MECOM: variants seen among roughly 807,000 people sequenced by gnomAD.
MECOM encodes MDS1 and EVI1 complex locus.
Under a neutral mutation model 116.3 loss-of-function variants are expected in MECOM, and 13 were observed. The observed-to-expected ratio is 0.11, with a 90% CI of 0.07 to 0.18. The LOEUF (loss-of-function observed/expected upper bound fraction) is 0.18, where lower values mean the gene tolerates loss of function less well. MECOM is among the 10% of genes least tolerant of loss of function. The pLI is 1.00. For synonymous variants in MECOM, 528 were observed against 535.2 expected, an observed-to-expected ratio of 0.99 and a Z score of 0.19; for missense variants, 1,299 against 1,509.0, an observed-to-expected ratio of 0.86 and a Z score of 2.31.
At position 169,131,420 on chromosome 3, in the gene MECOM, G is replaced by T. The variant is rs1266000886; in HGVS notation, c.613+9C>A. The T allele has an allele frequency of 1.2e-6, 2 of 1,609,086 alleles. No individual in the cohort carries two copies. Among genetic ancestry groups the T allele is most frequent in the South Asian group, 1.1e-5 (1 of 90,966 alleles). On this transcript the variant is annotated intron_variant, in intron 4 of 16. Coordinates refer to ENST00000651503, the MANE Select transcript of MECOM (RefSeq NM_004991.4). Reference sequence around the variant, plus strand: ...AGGTGATAAGGAGGGTGGCGTGAGTGGTACTAACCGTGGATATCCGGCGCC... The same window carrying T: ...AGGTGATAAGGAGGGTGGCGTGAGTTGTACTAACCGTGGATATCCGGCGCC...
chr3:169,247,999 T>G (rs1307184790), intron 2 of MECOM, among the ~76,000 whole-genome samples: 2 of 152,176 alleles, frequency 1.3e-5, no homozygotes, highest in African/African-American at 4.8e-5. Flanking sequence ...ATCTCTAAAA[T>G]GAGAATTATC....
chr3:169,258,832 A>C lies in MECOM; in HGVS notation c.376-115000T>G, dbSNP rs530810072. On this transcript the variant is annotated intron_variant, in intron 2 of 16. Transcript: ENST00000651503. ...TCACTTGGAGGTATTTAAGGTTAAT[A>C]ATATCGACTATTATCTGTGTTCAGT... 9.8e-5 allele frequency among the ~76,000 whole-genome samples: 15 copies of C among 152,338 alleles called. No homozygotes were observed. In the South Asian group the frequency reaches 3.1e-3, roughly 32 times the overall value.
intron 2 of MECOM, among the ~76,000 whole-genome samples, chr3:169,254,442 G>A (rs147430073): frequency 6.6e-6 from 1 of 152,218 alleles, no homozygotes; most frequent in African/African-American, 2.4e-5. Context: ...AAATGCTAGT[G>A]AGCACCTACT....
At chr3:169,131,713 G>A in intron 3 of MECOM, 182 bp from the exon 4 acceptor site, 1 of 633,602 alleles carries the variant, frequency 1.6e-6, no homozygotes, top group Non-Finnish European at 2.6e-6. Context: ...GCCCTCTGGT[G>A]ACAAATGGAA....
intron 2 of MECOM, among the ~76,000 whole-genome samples, chr3:169,195,669 T>C (rs1403751529): frequency 6.6e-6 from 1 of 152,006 alleles, no homozygotes; most frequent in Non-Finnish European, 1.5e-5. Context: ...TGCCTTTACT[T>C]TTCTCTGATA....
chr3:169,312,459 C>A (rs1031316666), intron 2 of MECOM, among the ~76,000 whole-genome samples: 1 of 150,446 alleles, frequency 6.6e-6, no homozygotes, highest in Non-Finnish European at 1.5e-5. Context: ...AGCTCCGCCT[C>A]CAGGGTTCAC....
At chr3:169,524,231 C>T (rs755385319) in intron 1 of MECOM, among the ~76,000 whole-genome samples, 2 of 151,932 alleles carry the variant, frequency 1.3e-5, no homozygotes, top group Non-Finnish European at 2.9e-5. Context: ...GTACAGGGTC[C>T]TTACTTTACA....
intron 1 of MECOM, among the ~76,000 whole-genome samples, chr3:169,526,201 C>T (rs941518338): frequency 2.6e-5 from 4 of 151,742 alleles, no homozygotes; most frequent in African/African-American, 9.7e-5. Context: ...ATTGAAAAAC[C>T]TCAACGTTGG....
chr3:169,370,659 G>A (rs1469740776), intron 2 of MECOM, among the ~76,000 whole-genome samples: 1 of 151,598 alleles, frequency 6.6e-6, no homozygotes, highest in African/African-American at 2.4e-5. Context: ...AATATATAAG[G>A]AACTCATGCA....
chr3:169,169,261 G>A (rs898788922), intron 2 of MECOM, among the ~76,000 whole-genome samples: 1 of 152,034 alleles, frequency 6.6e-6, no homozygotes, highest in African/African-American at 2.4e-5. Context: ...CATATTCTGG[G>A]TCACAGGTCA....
chr3:169,484,658 C>T (rs1751880577), intron 1 of MECOM, among the ~76,000 whole-genome samples: 1 of 152,170 alleles, frequency 6.6e-6, no homozygotes, highest in African/African-American at 2.4e-5. Context: ...GGGATTGAGA[C>T]ATCTCAGCTA....
intron 1 of MECOM, among the ~76,000 whole-genome samples, chr3:169,418,414 C>A (rs1262757618): frequency 6.6e-6 from 1 of 152,138 alleles, no homozygotes; most frequent in African/African-American, 2.4e-5. Flanking sequence ...CCAGCATCAT[C>A]CTGATACAAA....
At chr3:169,440,276 AT>A (rs1341297977) in intron 1 of MECOM, among the ~76,000 whole-genome samples, 1 of 152,098 alleles carries the variant, frequency 6.6e-6, no homozygotes, top group Admixed American at 6.6e-5. Flanking sequence ...AATTAAGAAA[AT>A]TTTGCTTGGC....
intron 1 of MECOM, among the ~76,000 whole-genome samples, chr3:169,462,163 A>G (rs1747555778): frequency 6.6e-6 from 1 of 152,146 alleles, no homozygotes; most frequent in South Asian, 2.1e-4. Flanking sequence ...AATTCTACCA[A>G]CAACTCAATC....
rs529788335 is a variant in MECOM at position 169,632,445 on chromosome 3, C to T, written c.37+30891G>A. Among the ~76,000 whole-genome samples the T allele has an allele frequency of 2.6e-5, 4 of 152,076 alleles. No homozygotes were observed. In the South Asian group the frequency reaches 8.3e-4, roughly 32 times the overall value. ...TTTACAGACAGAATGACTCAAACTC[C>T]AAAGAGGTAAAGATAGTCACCCAAT... On this transcript the variant is annotated intron_variant, in intron 1 of 16. Transcript: ENST00000651503.
chr3:169,595,985 GTTTATATTT>G (rs1458815426), intron 1 of MECOM, among the ~76,000 whole-genome samples: 1 of 152,012 alleles, frequency 6.6e-6, no homozygotes, highest in African/African-American at 2.4e-5. Context: ...TAAGAATAAT[GTTTATATTT>G]TTCTGTTTTG....
intron 2 of MECOM, among the ~76,000 whole-genome samples, chr3:169,281,144 C>T (rs139855725): frequency 7.2e-5 from 11 of 152,298 alleles, no homozygotes; most frequent in African/African-American, 2.2e-4. Flanking sequence ...GCATTATCAC[C>T]TACTGGAAAC....
chr3:169,406,987 C>T (rs1363860852), intron 1 of MECOM, among the ~76,000 whole-genome samples: 1 of 151,856 alleles, frequency 6.6e-6, no homozygotes, highest in Non-Finnish European at 1.5e-5. Context: ...GGATTACAGG[C>T]ACCTGCCACC....
At chr3:169,465,949 C>T (rs1560308533) in intron 1 of MECOM, among the ~76,000 whole-genome samples, 1 of 152,188 alleles carries the variant, frequency 6.6e-6, no homozygotes, top group Non-Finnish European at 1.5e-5. Flanking sequence ...TCTTCAAACA[C>T]TATGCTACTT....
Sources: allele counts gnomAD v4.1 joint callset (sites outside exome capture counted in the v4.1 genomes callset), GRCh38; gene constraint gnomAD v4.1.1; transcripts MANE v1.5; gene names NCBI Gene and HGNC (gene_info 2026-07-23, HGNC 2026-07-21).